Variants in ANXA8 observed in about 807,000 individuals in gnomAD.
The protein encoded by ANXA8 is VAC-beta.
In ANXA8, 9 loss-of-function variants were observed where a neutral mutation model predicts 26.8. The observed-to-expected ratio is 0.34, with a 90% confidence interval of 0.20 to 0.59. The LOEUF (loss-of-function observed/expected upper bound fraction) is 0.59, where lower values mean the gene tolerates loss of function less well. ANXA8 is among the 20% of genes least tolerant of loss of function. The pLI, the probability that ANXA8 is intolerant of heterozygous loss-of-function variation, is 0.84. For missense variants in ANXA8, 83 were observed against 238.5 expected, an observed-to-expected ratio of 0.35 and a Z score of 4.29; for synonymous variants, 39 against 94.8, an observed-to-expected ratio of 0.41 and a Z score of 3.42.
chr10:47,765,805 TC>T, the ANXA8 span, among the ~76,000 whole-genome samples: 2 of 149,584 alleles, frequency 1.3e-5, 1 homozygote, highest in African/African-American at 5.0e-5. Context: ...CCCATTCTCA[TC>T]CCCCCCACCA....
the ANXA8 span, among the ~76,000 whole-genome samples, chr10:47,501,628 G>T: frequency 1.4e-5 from 2 of 140,470 alleles, no homozygotes; most frequent in African/African-American, 5.2e-5. Flanking sequence ...AGAATGGTGT[G>T]AATCCAGGAG....
chr10:47,587,107 G>A, the ANXA8 span, among the ~76,000 whole-genome samples: 1 of 147,606 alleles, frequency 6.8e-6, no homozygotes, highest in Non-Finnish European at 1.5e-5. Context: ...GGGGGGCTGA[G>A]GCAGGGGAAT....
At chr10:47,555,121 C>T in the ANXA8 span, among the ~76,000 whole-genome samples, 202 of 151,342 alleles carry the variant, frequency 1.3e-3, 1 homozygote, top group African/African-American at 4.1e-3. Context: ...TATGCTCCCT[C>T]GCCTGGCTCC....
chr10:47,741,203 A>G, the ANXA8 span, among the ~76,000 whole-genome samples: 1 of 96,090 alleles, frequency 1.0e-5, no homozygotes, highest in Admixed American at 1.3e-4. Flanking sequence ...TTGTCTTTTT[A>G]CTGATCAGAC....
At chr10:47,664,808 C>T in the ANXA8 span, among the ~76,000 whole-genome samples, 1 of 144,608 alleles carries the variant, frequency 6.9e-6, no homozygotes, top group Admixed American at 7.0e-5. Context: ...TCACTGCAGC[C>T]TTGACCTTCT....
At chr10:47,647,582 T>C in the ANXA8 span, among the ~76,000 whole-genome samples, 3 of 149,224 alleles carry the variant, frequency 2.0e-5, no homozygotes, top group African/African-American at 7.6e-5. Context: ...CAATTCACTT[T>C]CCAGGAGAAA....
chr10:47,905,668 A>G, the ANXA8 span, among the ~76,000 whole-genome samples: 1 of 150,030 alleles, frequency 6.7e-6, no homozygotes, highest in Non-Finnish European at 1.5e-5. Context: ...GAAGGGAATC[A>G]ACAAACGGTA....
chr10:47,647,554 G>A, the ANXA8 span, among the ~76,000 whole-genome samples: 1 of 149,422 alleles, frequency 6.7e-6, no homozygotes, highest in Non-Finnish European at 1.5e-5. Context: ...ACTTCACAGA[G>A]TGAAATGGAC....
At chr10:47,530,585 C>T in the ANXA8 span, among the ~76,000 whole-genome samples, 4 of 150,660 alleles carry the variant, frequency 2.7e-5, no homozygotes, top group African/African-American at 4.9e-5. Context: ...CCCAGCTACT[C>T]GGGAGGCTGA....
At chr10:47,707,365 A>G in the ANXA8 span, among the ~76,000 whole-genome samples, 1 of 142,768 alleles carries the variant, frequency 7.0e-6, no homozygotes, top group Non-Finnish European at 1.6e-5. Context: ...AAAAATTGAA[A>G]AGTGGGACCT....
chr10:47,692,500 G>A, the ANXA8 span: 1 of 42,948 alleles, frequency 2.3e-5, no homozygotes, highest in Admixed American at 2.8e-4. Context: ...ACAGGCGTGA[G>A]CTACCGTGCC....
chr10:47,755,477 G>C, the ANXA8 span, among the ~76,000 whole-genome samples: 12 of 150,716 alleles, frequency 8.0e-5, no homozygotes, highest in Non-Finnish European at 1.8e-4. Flanking sequence ...GGATGGTCTC[G>C]ATCTCCTGAC....
the ANXA8 span, among the ~76,000 whole-genome samples, chr10:47,645,794 A>C: frequency 0.014 from 2,097 of 147,698 alleles, no homozygotes; most frequent in Non-Finnish European, 0.02. Flanking sequence ...CCTTCAATCT[A>C]TTCAGAGCCC....
chr10:47,724,282 C>T, the ANXA8 span, among the ~76,000 whole-genome samples: 2 of 136,768 alleles, frequency 1.5e-5, no homozygotes, highest in Non-Finnish European at 3.2e-5. Flanking sequence ...AACCAGCACA[C>T]CAGCAGTCTC....
chr10:47,705,882 T>C, the ANXA8 span, among the ~76,000 whole-genome samples: 1 of 150,736 alleles, frequency 6.6e-6, no homozygotes, highest in Non-Finnish European at 1.5e-5. Context: ...CGTCCCCTTT[T>C]TTTGCCTTTA....
At chr10:47,649,186 A>G in the ANXA8 span, among the ~76,000 whole-genome samples, 4 of 147,204 alleles carry the variant, frequency 2.7e-5, no homozygotes, top group African/African-American at 1.0e-4. Flanking sequence ...TACTGGAATT[A>G]GCAAAACTTT....
the ANXA8 span, among the ~76,000 whole-genome samples, chr10:47,982,275 A>T: frequency 2.0e-5 from 3 of 149,874 alleles, no homozygotes; most frequent in African/African-American, 7.3e-5. Context: ...GGGCAACAGA[A>T]CAAGACCCTA....
the ANXA8 span, among the ~76,000 whole-genome samples, chr10:47,723,382 C>T: frequency 1.3e-4 from 8 of 61,560 alleles, no homozygotes; most frequent in Admixed American, 4.1e-4. Context: ...TGTAAATATA[C>T]TCTCTCTCCC....
At chr10:47,944,919 G>T in the ANXA8 span, among the ~76,000 whole-genome samples, 1 of 144,466 alleles carries the variant, frequency 6.9e-6, no homozygotes, top group Non-Finnish European at 1.5e-5. Flanking sequence ...TTCTCCTGCA[G>T]CCCCATCTCG....
Sources: allele counts gnomAD v4.1 joint callset (sites outside exome capture counted in the v4.1 genomes callset), GRCh38; gene constraint gnomAD v4.1.1; transcripts MANE v1.5; gene names NCBI Gene and HGNC (gene_info 2026-07-23, HGNC 2026-07-21).